PTK2: variants seen among roughly 807,000 people sequenced by gnomAD.
PTK2 encodes protein tyrosine kinase 2.
In PTK2, 45 loss-of-function variants were observed where a neutral mutation model predicts 150.1. The ratio of observed to expected loss-of-function variants is 0.30; its 90% confidence interval spans 0.24 to 0.38. The LOEUF (loss-of-function observed/expected upper bound fraction) is 0.38. Among genes scored for constraint, PTK2 ranks in the 10% least tolerant of loss-of-function variants. PTK2 has a pLI of 1.00. For missense variants in PTK2, 919 were observed against 1,307.3 expected (o/e 0.70, Z 4.58); for synonymous variants, 432 against 449.2 (o/e 0.96, Z 0.48).
rs564251277 is a variant in PTK2, at chr8:140,975,885, A to AT, written c.-122+25239dup. 4.2e-3 allele frequency among the ~76,000 whole-genome samples: 647 copies of AT among 152,294 alleles called. 9 individuals carry two copies. Among genetic ancestry groups the AT allele is most frequent in the African/African-American group, 0.015 (607 of 41,550 alleles). ...AATACCGTACCAGGCACAAAACAGT[A>AT]TTTTTTAAATGGCGAACAAATGAAT... On this transcript the variant is annotated intron_variant, in intron 1 of 31. Transcript: ENST00000522684.
chr8:140,669,687 G>C (rs2094539905), intron 29 of PTK2, 40 bp downstream of exon 33: 1 of 1,527,330 alleles, frequency 6.5e-7, no homozygotes, highest in Non-Finnish European at 8.8e-7. Context: ...GGGTGTGATA[G>C]AGAGAGCTGG....
chr8:140,955,004 G>A (rs541303477), intron 1 of PTK2, among the ~76,000 whole-genome samples: 122 of 152,078 alleles, frequency 8.0e-4, no homozygotes, highest in African/African-American at 2.7e-3. Context: ...CTTCAAACCC[G>A]TATTTTAGTT....
exon 32 of PTK2, chr8:140,659,226 C>A: frequency 2.0e-6 from 1 of 511,246 alleles, no homozygotes; most frequent in Non-Finnish European, 3.5e-6. Context: ...TAGAAAAACG[C>A]CACATTTTGG....
intron 16 of PTK2, among the ~76,000 whole-genome samples, chr8:140,758,764 C>T (rs975272430): frequency 1.3e-5 from 2 of 152,134 alleles, no homozygotes; most frequent in East Asian, 1.9e-4. Flanking sequence ...GTAGCCAAAG[C>T]GTACAGTGTT....
chr8:140,921,164 C>CCAGGAAACCAGCAGAA, intron 2 of PTK2: 1 of 1,190,526 alleles, frequency 8.4e-7, no homozygotes, highest in Middle Eastern at 3.3e-4. Context: ...CTAGATCAAG[C>CCAGGAAACCAGCAGAA]TACTGAACAG....
At chr8:140,990,459 C>A (rs565924494) in intron 1 of PTK2, among the ~76,000 whole-genome samples, 1 of 152,244 alleles carries the variant, frequency 6.6e-6, no homozygotes, top group African/African-American at 2.4e-5. Context: ...CCAGGCTAGT[C>A]TCAAACTCCT....
chr8:140,876,649 C>G (rs1171092809), intron 4 of PTK2, among the ~76,000 whole-genome samples: 1 of 151,990 alleles, frequency 6.6e-6, no homozygotes, highest in Admixed American at 6.6e-5. Flanking sequence ...TTATTCTATT[C>G]TTCTTGAGTT....
intron 1 of PTK2, among the ~76,000 whole-genome samples, chr8:140,968,383 C>CA (rs896030888): frequency 4.9e-4 from 73 of 148,482 alleles, no homozygotes; most frequent in African/African-American, 1.4e-3. Flanking sequence ...TGATCCTGCC[C>CA]AAAAAAAAAA....
At chr8:140,797,664 AATTG>A (rs2100092542) in intron 12 of PTK2, among the ~76,000 whole-genome samples, 1 of 152,098 alleles carries the variant, frequency 6.6e-6, no homozygotes, top group Non-Finnish European at 1.5e-5. Context: ...AACACTGCAA[AATTG>A]ATTGTATACT....
chr8:140,730,953 A>ACCCCCC (rs10713091), intron 22 of PTK2, among the ~76,000 whole-genome samples: 1 of 96,626 alleles, frequency 1.0e-5, no homozygotes, highest in African/African-American at 3.8e-5. Flanking sequence ...ATTAAATTAA[A>ACCCCCC]CCCCCCCCCC....
chr8:140,771,196 G>GA (rs1356690513), intron 14 of PTK2: 5 of 153,148 alleles, frequency 3.3e-5, no homozygotes, highest in Admixed American at 1.3e-4. Flanking sequence ...CTTCATTTGT[G>GA]AAAGAGTTTT....
Position 140,916,290 on chromosome 8 carries a change from C to T in PTK2, c.-33+9371G>A, listed in dbSNP as rs547263835. On this transcript the variant is annotated intron_variant, in intron 2 of 31. Transcript: ENST00000522684. ...ACTGTGGCTTGTTTCTAGTGGGCCT[C>T]ACTTTTAACCCATGCCTGTGTCTCT... Among the ~76,000 whole-genome samples, 5 of 152,278 alleles carry T rather than the reference C, an allele frequency of 3.3e-5. No homozygotes were observed. In the East Asian group the frequency reaches 9.7e-4, roughly 29 times the overall value.
intron 14 of PTK2, among the ~76,000 whole-genome samples, chr8:140,785,285 T>C (rs969297580): frequency 6.6e-6 from 1 of 152,180 alleles, no homozygotes; most frequent in Non-Finnish European, 1.5e-5. Flanking sequence ...CCTCCATACC[T>C]TACTCAGGAA....
At chr8:140,709,934 T>C (rs1280005992) in intron 23 of PTK2, among the ~76,000 whole-genome samples, 4 of 152,020 alleles carry the variant, frequency 2.6e-5, no homozygotes, top group Non-Finnish European at 5.9e-5. Context: ...CCAGCATCCA[T>C]AGATTCAACC....
intron 5 of PTK2, among the ~76,000 whole-genome samples, chr8:140,848,215 T>C (rs1567484932): frequency 1.3e-5 from 2 of 152,338 alleles, no homozygotes; most frequent in Admixed American, 6.5e-5. Flanking sequence ...ACAGAGAAGA[T>C]AAAACACATC....
chr8:140,874,157 T>G (rs1215585401), intron 4 of PTK2, among the ~76,000 whole-genome samples: 1 of 152,182 alleles, frequency 6.6e-6, no homozygotes, highest in Non-Finnish European at 1.5e-5. Flanking sequence ...CAGTGACATG[T>G]CATGACAAAG....
At chr8:140,737,715 C>A (rs1215440128) in intron 21 of PTK2, among the ~76,000 whole-genome samples, 1 of 152,164 alleles carries the variant, frequency 6.6e-6, no homozygotes, top group Non-Finnish European at 1.5e-5. Flanking sequence ...CCAATTATTA[C>A]CAACTGTAAA....
chr8:140,853,515 T>A (rs933732118), intron 5 of PTK2, among the ~76,000 whole-genome samples: 6 of 151,952 alleles, frequency 3.9e-5, no homozygotes, highest in African/African-American at 1.5e-4. Flanking sequence ...ACAAAGGACA[T>A]GAACTCATCC....
intron 20 of PTK2, among the ~76,000 whole-genome samples, chr8:140,741,419 C>T (rs1389093590): frequency 2.0e-5 from 3 of 151,166 alleles, no homozygotes; most frequent in African/African-American, 7.3e-5. Context: ...AGCGCCACTG[C>T]ACTCCAGCCT....
Sources: gnomAD v4.1 joint callset for allele counts (sites outside exome capture counted in the v4.1 genomes callset) on GRCh38, gnomAD v4.1.1 for gene constraint, MANE v1.5 for transcripts, NCBI Gene and HGNC (gene_info 2026-07-23, HGNC 2026-07-21) for gene names.